The following GOLM1 variants were observed in gnomAD, a reference collection of about 807,000 sequenced individuals.
The protein encoded by GOLM1 is epididymis luminal protein 46.
GOLM1 carries 31 observed loss-of-function variants against 50.5 expected under a neutral mutation model. That is an observed-to-expected ratio of 0.61 (90% CI 0.46 to 0.83). The LOEUF (loss-of-function observed/expected upper bound fraction) is 0.83, where lower values mean the gene tolerates loss of function less well. Among genes scored for constraint, GOLM1 ranks in the 40% least tolerant of loss-of-function variants. The pLI, the probability that GOLM1 is intolerant of heterozygous loss-of-function variation, is 0.00. For missense variants in GOLM1, 491 were observed against 501.3 expected (o/e 0.98, Z 0.20); for synonymous variants, 178 against 192.8 (o/e 0.92, Z 0.64).
chr9:86,036,702 A>G (rs942997621), intron 6 of GOLM1, 195 bp from the exon 7 acceptor site: 9 of 598,412 alleles, frequency 1.5e-5, no homozygotes, highest in East Asian at 2.8e-5. Context: ...GGTTGAGTCA[A>G]GGTCTCCCAG....
intron 3 of GOLM1, among the ~76,000 whole-genome samples, chr9:86,052,794 C>T (rs1035261203): frequency 3.3e-5 from 5 of 152,190 alleles, no homozygotes; most frequent in Middle Eastern, 3.4e-3. Context: ...TCCCCACCAC[C>T]GCCTCTGGAC....
At chr9:86,094,314 C>T (rs1835284883) in intron 1 of GOLM1, among the ~76,000 whole-genome samples, 1 of 152,194 alleles carries the variant, frequency 6.6e-6, no homozygotes, top group Non-Finnish European at 1.5e-5. Flanking sequence ...TAAACATTTA[C>T]CATCTGACCA....
Position 86,026,173 on chromosome 9 carries a change from A to G in GOLM1, c.*1644T>C. ...AGTTGAACAGAACATTTTATTTCTC[A>G]GCAATTCTATGCGTACAAATTAAAC... is the stretch of plus-strand genomic sequence containing the variant. On this transcript the variant is annotated 3_prime_UTR_variant, in exon 10 of 10. Transcript: ENST00000388712. 1.0e-6 allele frequency: 1 copy of G among 984,148 alleles called. No homozygotes were observed. The highest frequency in any genetic ancestry group is 1.2e-6 in the Non-Finnish European group (1 of 828,718). The allele number at this position is 984,148 out of a possible 1,614,324, so 61.0% of individuals were successfully genotyped here. A position where few individuals can be genotyped will look rare whatever the true frequency, so the allele number is the denominator to read the frequency against.
intron 9 of GOLM1, among the ~76,000 whole-genome samples, chr9:86,029,249 A>G (rs770159907): frequency 6.6e-6 from 1 of 151,898 alleles, no homozygotes; most frequent in Non-Finnish European, 1.5e-5. Context: ...ACTTGTTTGT[A>G]ACAGTGACAT....
intron 4 of GOLM1, among the ~76,000 whole-genome samples, chr9:86,047,962 T>C (rs550997841): frequency 1.1e-4 from 17 of 152,236 alleles, no homozygotes; most frequent in Non-Finnish European, 1.9e-4. Flanking sequence ...ATGTGCCATG[T>C]TGGTGTGCTG....
intron 1 of GOLM1, among the ~76,000 whole-genome samples, chr9:86,082,578 C>T (rs1315388000): frequency 6.6e-6 from 1 of 151,856 alleles, no homozygotes; most frequent in Non-Finnish European, 1.5e-5. Context: ...GTAGCTGGGA[C>T]TACAGGTGTG....
intron 3 of GOLM1, among the ~76,000 whole-genome samples, chr9:86,068,794 G>A (rs930121799): frequency 2.0e-5 from 3 of 152,222 alleles, no homozygotes; most frequent in Non-Finnish European, 2.9e-5. Context: ...AGAACCAAAC[G>A]TATGCTTTGT....
chr9:86,029,053 T>TTC (rs909527184), intron 9 of GOLM1, among the ~76,000 whole-genome samples: 3 of 151,852 alleles, frequency 2.0e-5, no homozygotes, highest in Admixed American at 6.6e-5. Flanking sequence ...GAGGCGGGTT[T>TTC]TCACCCTGTT....
At chr9:86,083,830 A>G (rs1376006062) in intron 1 of GOLM1, among the ~76,000 whole-genome samples, 1 of 152,222 alleles carries the variant, frequency 6.6e-6, no homozygotes, top group East Asian at 1.9e-4. Flanking sequence ...AAACTCAGAG[A>G]AAGTTTTAAA....
chr9:86,098,488 T>C (rs905666867), intron 1 of GOLM1, among the ~76,000 whole-genome samples: 8 of 152,160 alleles, frequency 5.3e-5, no homozygotes, highest in Non-Finnish European at 1.0e-4. Flanking sequence ...TGTTCCTCAA[T>C]AATGTGCATA....
intron 5 of GOLM1, 45 bp from the exon 6 acceptor site, chr9:86,040,913 T>C: frequency 1.3e-6 from 2 of 1,595,348 alleles, no homozygotes; most frequent in South Asian, 1.1e-5. Context: ...TCTATGACTG[T>C]GTCTCTGCTG....
intron 3 of GOLM1, among the ~76,000 whole-genome samples, chr9:86,055,562 A>T (rs146758739): frequency 1.3e-5 from 2 of 152,330 alleles, no homozygotes; most frequent in African/African-American, 4.8e-5. Flanking sequence ...GAATGAATGG[A>T]TAAGCAAAAT....
At chr9:86,053,859 C>T (rs1159231325) in intron 3 of GOLM1, among the ~76,000 whole-genome samples, 2 of 151,768 alleles carry the variant, frequency 1.3e-5, no homozygotes, top group Non-Finnish European at 2.9e-5. Context: ...CCACTCTACA[C>T]CACACCAGCT....
Position 86,077,447 on chromosome 9 carries a change from G to C in GOLM1, c.274C>G (p.Leu92Val), listed in dbSNP as rs760057943. ...DKIQSSHNFQLESVNKLYQDE... is the reference protein window; with the variant it reads ...DKIQSSHNFQVESVNKLYQDE... ...TGGTACAGCTTGTTGACGCTCTCCA[G>C]CTGGAAGTTGTGGCTGGACTGGATT... Residue 92 changes from leucine to valine, a missense_variant, in exon 3 of 10, where the codon CTG (leucine) becomes GTG (valine). Transcript: ENST00000388712. 7 of 1,614,054 alleles carry C rather than the reference G, an allele frequency of 4.3e-6. No homozygotes were observed. The African/African-American group carries it at 9.3e-5, about 22-fold the overall frequency.
At chr9:86,063,450 G>A (rs1014546108) in intron 3 of GOLM1, among the ~76,000 whole-genome samples, 7 of 152,180 alleles carry the variant, frequency 4.6e-5, no homozygotes, top group Admixed American at 3.3e-4. Context: ...GTAAAAAGGC[G>A]TACACAGACC....
chr9:86,030,243 GAA>G (rs1832932283), intron 9 of GOLM1, among the ~76,000 whole-genome samples: 1 of 110,464 alleles, frequency 9.1e-6, no homozygotes, highest in Admixed American at 9.0e-5. Flanking sequence ...AAAAAAAAAA[GAA>G]TAGAAGTAAG....
intron 3 of GOLM1, among the ~76,000 whole-genome samples, chr9:86,062,971 G>A (rs1834205482): frequency 1.3e-5 from 2 of 152,130 alleles, no homozygotes; most frequent in Non-Finnish European, 1.5e-5. Context: ...AGCTGCCAGG[G>A]AACCTGGCTG....
chr9:86,037,875 C>T (rs1833196712), intron 6 of GOLM1, among the ~76,000 whole-genome samples: 1 of 151,892 alleles, frequency 6.6e-6, no homozygotes, highest in Non-Finnish European at 1.5e-5. Context: ...CCTGCCCCAG[C>T]CAGGCGTGGT....
chr9:86,094,035 G>A (rs1264520923), intron 1 of GOLM1, among the ~76,000 whole-genome samples: 14 of 152,188 alleles, frequency 9.2e-5, no homozygotes, highest in Non-Finnish European at 1.6e-4. Context: ...ACACCCCGGC[G>A]CAGCCTGGAG....
Sources: allele counts gnomAD v4.1 joint callset (sites outside exome capture counted in the v4.1 genomes callset), GRCh38; gene constraint gnomAD v4.1.1; transcripts MANE v1.5; gene names NCBI Gene and HGNC (gene_info 2026-07-23, HGNC 2026-07-21).